Variants in IGF1R observed in about 807,000 individuals in gnomAD.
The protein encoded by IGF1R is insulin-like growth factor 1 receptor.
In IGF1R, 44 loss-of-function variants were observed where a neutral mutation model predicts 144.6. The observed-to-expected ratio is 0.30, with a 90% CI of 0.24 to 0.39. IGF1R has a LOEUF of 0.39. Ranked by LOEUF, IGF1R falls within the 10% of genes least tolerant of loss-of-function variation. IGF1R has a pLI of 1.00. For synonymous variants in IGF1R, 795 were observed against 722.8 expected, an observed-to-expected ratio of 1.10 and a Z score of -1.60; for missense variants, 1,355 against 1,833.7, an observed-to-expected ratio of 0.74 and a Z score of 4.77.
At chr15:98,671,953 T>C (rs1003756575) in intron 1 of IGF1R, among the ~76,000 whole-genome samples, 9 of 152,212 alleles carry the variant, frequency 5.9e-5, no homozygotes, top group Non-Finnish European at 5.9e-5. Flanking sequence ...TCGAAAGAAC[T>C]ACAGCTTACT....
intron 2 of IGF1R, among the ~76,000 whole-genome samples, chr15:98,730,544 A>G (rs1230273323): frequency 1.3e-5 from 2 of 152,120 alleles, no homozygotes; most frequent in East Asian, 3.8e-4. Flanking sequence ...GTGCACATAG[A>G]GTTGGCCTCT....
chr15:98,673,706 G>A (rs780560109), intron 1 of IGF1R, among the ~76,000 whole-genome samples: 58 of 152,210 alleles, frequency 3.8e-4, no homozygotes, highest in Non-Finnish European at 7.2e-4. Flanking sequence ...TGCTGATGGT[G>A]TAGTGCTCTT....
rs541985175 is a variant in IGF1R at position 98,960,638 on chromosome 15, C to T, written c.*3196C>T. Reference sequence around the variant, plus strand: ...AGGCTCGCGCTGAGGCAGGACCGTGCGGCCATGGCTGCTGCATTCATTGAG... The same window carrying T: ...AGGCTCGCGCTGAGGCAGGACCGTGTGGCCATGGCTGCTGCATTCATTGAG... On this transcript the variant is annotated 3_prime_UTR_variant, in exon 21 of 21. Transcript: ENST00000650285. The T allele has an allele frequency of 8.1e-5, 19 of 233,266 alleles. No homozygotes were observed. Among genetic ancestry groups the T allele is most frequent in the Admixed American group, 1.1e-4 (2 of 17,782 alleles). 14.4% of individuals were successfully genotyped at this position (233,266 alleles called of 1,614,324 possible).
intron 2 of IGF1R, among the ~76,000 whole-genome samples, chr15:98,793,009 C>T (rs1371165235): frequency 1.3e-5 from 2 of 152,114 alleles, no homozygotes; most frequent in Non-Finnish European, 2.9e-5. Context: ...CTGAAAAGCT[C>T]TGGTCTGTCC....
chr15:98,889,031 C>A (rs949746908), intron 2 of IGF1R, among the ~76,000 whole-genome samples: 7 of 152,160 alleles, frequency 4.6e-5, no homozygotes, highest in Non-Finnish European at 2.9e-5. Context: ...CAGGAAGTTC[C>A]AGTCACAACG....
At chr15:98,726,712 A>ATTTTTTTTT (rs756622481) in intron 2 of IGF1R, among the ~76,000 whole-genome samples, 12 of 93,084 alleles carry the variant, frequency 1.3e-4, no homozygotes, top group South Asian at 3.5e-4. Context: ...TACATTGATG[A>ATTTTTTTTT]TTTTTTTTTT....
chr15:98,815,227 C>T (rs1158153182), intron 2 of IGF1R, among the ~76,000 whole-genome samples: 1 of 152,270 alleles, frequency 6.6e-6, no homozygotes, highest in African/African-American at 2.4e-5. Context: ...AACCAGCTCT[C>T]TTCTGGTGAA....
intron 20 of IGF1R, among the ~76,000 whole-genome samples, chr15:98,949,095 G>A (rs1414096599): frequency 1.3e-5 from 2 of 152,168 alleles, no homozygotes; most frequent in Admixed American, 6.5e-5. Context: ...GAATTCAAGA[G>A]CCCCGCGCCC....
intron 2 of IGF1R, among the ~76,000 whole-genome samples, chr15:98,825,579 A>C (rs776297014): frequency 1.3e-5 from 2 of 152,198 alleles, no homozygotes; most frequent in African/African-American, 4.8e-5. Context: ...AGGGAATCTC[A>C]GTAATGCCTG....
At chr15:98,835,106 C>CCCCT (rs1567152853) in intron 2 of IGF1R, among the ~76,000 whole-genome samples, 8 of 149,544 alleles carry the variant, frequency 5.3e-5, no homozygotes, top group African/African-American at 2.0e-4. Flanking sequence ...CACACACACA[C>CCCCT]ACACCCCTAC....
intron 2 of IGF1R, among the ~76,000 whole-genome samples, chr15:98,814,808 T>C (rs527426963): frequency 2.6e-5 from 4 of 152,196 alleles, no homozygotes; most frequent in Non-Finnish European, 5.9e-5. Flanking sequence ...TTGTATCTGA[T>C]ATAAGCGTGG....
At chr15:98,928,570 A>G (rs1286006678) in intron 13 of IGF1R, among the ~76,000 whole-genome samples, 2 of 152,082 alleles carry the variant, frequency 1.3e-5, no homozygotes, top group African/African-American at 4.8e-5. Flanking sequence ...CAGTATCATC[A>G]TTTTCTAGGA....
intron 2 of IGF1R, among the ~76,000 whole-genome samples, chr15:98,764,008 T>G (rs2055372384): frequency 6.6e-6 from 1 of 152,232 alleles, no homozygotes; most frequent in African/African-American, 2.4e-5. Context: ...AGCTTTTCAA[T>G]TCTCTTGAAG....
At chr15:98,718,796 T>A (rs1434135150) in intron 2 of IGF1R, among the ~76,000 whole-genome samples, 1 of 152,124 alleles carries the variant, frequency 6.6e-6, no homozygotes, top group African/African-American at 2.4e-5. Context: ...AAGACGAAGG[T>A]TGATATTATT....
intron 2 of IGF1R, among the ~76,000 whole-genome samples, chr15:98,772,705 T>G (rs981179421): frequency 5.3e-5 from 8 of 151,564 alleles, no homozygotes; most frequent in South Asian, 2.1e-4. Flanking sequence ...GAGGTGAGAT[T>G]ATAGGCACTA....
chr15:98,933,256 G>A (rs2016013125), intron 15 of IGF1R, among the ~76,000 whole-genome samples: 2 of 152,180 alleles, frequency 1.3e-5, no homozygotes, highest in Non-Finnish European at 2.9e-5. Context: ...AATTGAGCCT[G>A]TGTTTGGTTT....
intron 13 of IGF1R, among the ~76,000 whole-genome samples, chr15:98,925,834 G>C (rs1167361518): frequency 2.0e-5 from 3 of 152,154 alleles, no homozygotes; most frequent in African/African-American, 7.2e-5. Context: ...AACCTGGGAG[G>C]CAGAGGTTGC....
At chr15:98,951,738 A>G (rs568551920) in intron 20 of IGF1R, among the ~76,000 whole-genome samples, 2 of 152,242 alleles carry the variant, frequency 1.3e-5, no homozygotes, top group African/African-American at 2.4e-5. Context: ...GCACTGCCCA[A>G]GTGTCTCAGG....
At position 98,959,948 on chromosome 15, in the gene IGF1R, T is replaced by G. The variant is rs2017158233; in HGVS notation, c.*2506T>G. The G allele has an allele frequency of 8.6e-6, 2 of 231,324 alleles. No individual in the cohort carries two copies. Among genetic ancestry groups the G allele is most frequent in the African/African-American group, 4.5e-5 (2 of 44,850 alleles). 14.3% of individuals were successfully genotyped at this position (231,324 alleles called of 1,614,324 possible). A position where few individuals can be genotyped will look rare whatever the true frequency, so the allele number is the denominator to read the frequency against. ...CAATCACTGTAGAAAAGCCCCATTA[T>G]GAATTTAAATTTCAAGGAAAGGGTG... On this transcript the variant is annotated 3_prime_UTR_variant, in exon 21 of 21. Transcript: ENST00000650285.
Sources: gnomAD v4.1 joint callset for allele counts (sites outside exome capture counted in the v4.1 genomes callset) on GRCh38, gnomAD v4.1.1 for gene constraint, MANE v1.5 for transcripts, NCBI Gene and HGNC (gene_info 2026-07-23, HGNC 2026-07-21) for gene names.